SNX24: variants seen among roughly 807,000 people sequenced by gnomAD.
The protein encoded by SNX24 is sorting nexin-24.
Under a neutral mutation model 28.7 loss-of-function variants are expected in SNX24, and 22 were observed. The observed-to-expected ratio is 0.77, with a 90% confidence interval of 0.55 to 1.10. The LOEUF (loss-of-function observed/expected upper bound fraction) is 1.10. Ranked by LOEUF, SNX24 falls within the 50% of genes least tolerant of loss-of-function variation. The probability of loss-of-function intolerance (pLI) is 0.00; values close to 1 mark genes in which losing one functional copy is unlikely to be tolerated. For missense variants in SNX24, 221 were observed against 201.1 expected (o/e 1.10, Z -0.60); for synonymous variants, 69 against 71.5 (o/e 0.96, Z 0.18).
intron 5 of SNX24, chr5:123,023,259 CTAAT>C (rs1762788347): frequency 1.3e-5 from 2 of 152,312 alleles, no homozygotes; most frequent in Non-Finnish European, 1.5e-5. Context: ...TCTGAGTTAT[CTAAT>C]TATGTTTGTA....
chr5:122,909,124 T>C (rs1223039547), intron 1 of SNX24, among the ~76,000 whole-genome samples: 1 of 152,202 alleles, frequency 6.6e-6, no homozygotes, highest in Non-Finnish European at 1.5e-5. Context: ...ACAGCATTGT[T>C]ACATTAACAA....
At chr5:122,868,538 G>A (rs1581687289) in intron 1 of SNX24, among the ~76,000 whole-genome samples, 1 of 152,054 alleles carries the variant, frequency 6.6e-6, no homozygotes, top group African/African-American at 2.4e-5. Context: ...AACAACATCC[G>A]TATCTGCCAC....
intron 3 of SNX24, among the ~76,000 whole-genome samples, chr5:122,983,585 A>G (rs1761476103): frequency 6.6e-6 from 1 of 152,200 alleles, no homozygotes; most frequent in Admixed American, 6.5e-5. Context: ...TCCTTCACAT[A>G]TAACCAACAA....
chr5:122,855,000 T>G (rs1755117950), intron 1 of SNX24, among the ~76,000 whole-genome samples: 1 of 152,240 alleles, frequency 6.6e-6, no homozygotes, highest in South Asian at 2.1e-4. Flanking sequence ...TTTGTTTGCC[T>G]TGATGTTGAT....
At chr5:122,854,495 G>A (rs1397564530) in intron 1 of SNX24, among the ~76,000 whole-genome samples, 34 of 139,426 alleles carry the variant, frequency 2.4e-4, no homozygotes, top group African/African-American at 7.5e-4. Flanking sequence ...GCAACAGAGC[G>A]AGACTCTGTC....
At position 122,928,670 on chromosome 5, in the gene SNX24, T is replaced by C. The variant is rs1320234425; in HGVS notation, c.61-8064T>C. ...GGGATCCTATTGCAGGAACCTGTTA[T>C]CACCTAGAACCTCTGCAGTCACACA... On this transcript the variant is annotated intron_variant, in intron 1 of 6. Transcript: ENST00000261369. Among the ~76,000 whole-genome samples the C allele has an allele frequency of 3.3e-5, 5 of 151,900 alleles. No individual in the cohort carries two copies. The East Asian group carries it at 5.9e-4, about 18-fold the overall frequency.
At position 122,915,415 on chromosome 5, in the gene SNX24, C is replaced by T. The variant is rs979193759; in HGVS notation, c.61-21319C>T. Among the ~76,000 whole-genome samples, 6 of 152,112 alleles carry T rather than the reference C, an allele frequency of 3.9e-5. No individual in the cohort carries two copies. The East Asian group carries it at 5.8e-4, about 15-fold the overall frequency. ...CTGAGACAGGGTGATTGCTTGAGCC[C>T]AGGAGTTTGAGACCAGCCTGGGCAA... On this transcript the variant is annotated intron_variant, in intron 1 of 6. Coordinates refer to ENST00000261369, the MANE Select transcript of SNX24 (RefSeq NM_014035.4).
At chr5:122,954,398 C>T (rs1760113734) in intron 3 of SNX24, among the ~76,000 whole-genome samples, 1 of 151,940 alleles carries the variant, frequency 6.6e-6, no homozygotes, top group Admixed American at 6.6e-5. Context: ...GTTAAAATTT[C>T]CCACTTAAAT....
At chr5:122,953,787 TTC>T (rs989862426) in intron 3 of SNX24, among the ~76,000 whole-genome samples, 4 of 152,228 alleles carry the variant, frequency 2.6e-5, no homozygotes, top group Admixed American at 1.3e-4. Flanking sequence ...TTATATTTTT[TTC>T]TTTTTGTAAA....
chr5:122,870,350 C>G (rs1665474165), intron 1 of SNX24, among the ~76,000 whole-genome samples: 1 of 152,206 alleles, frequency 6.6e-6, no homozygotes, highest in Non-Finnish European at 1.5e-5. Flanking sequence ...GTATGATGAA[C>G]TTCTACAGAT....
intron 1 of SNX24, among the ~76,000 whole-genome samples, chr5:122,916,984 C>T (rs1445111350): frequency 1.3e-5 from 2 of 152,156 alleles, no homozygotes; most frequent in Non-Finnish European, 2.9e-5. Context: ...TACTTAAAGA[C>T]TGGGCTGGGC....
chr5:122,875,805 T>C (rs890134053), intron 1 of SNX24, among the ~76,000 whole-genome samples: 3 of 152,244 alleles, frequency 2.0e-5, no homozygotes, highest in African/African-American at 7.2e-5. Flanking sequence ...ATTTATTTTT[T>C]TGAGACACAG....
chr5:123,022,990 A>C (rs401535), intron 5 of SNX24, among the ~76,000 whole-genome samples: 1 of 152,002 alleles, frequency 6.6e-6, no homozygotes, highest in South Asian at 2.1e-4. Flanking sequence ...TGTTAGAGAC[A>C]GGGTCTCACT....
chr5:122,935,085 A>G (rs1397980066), intron 1 of SNX24, among the ~76,000 whole-genome samples: 1 of 152,196 alleles, frequency 6.6e-6, no homozygotes, highest in African/African-American at 2.4e-5. Context: ...GTAATGTGCC[A>G]GTTAAGGTGG....
chr5:123,025,279 C>T (rs892751054), intron 5 of SNX24, among the ~76,000 whole-genome samples: 1 of 152,062 alleles, frequency 6.6e-6, no homozygotes, highest in African/African-American at 2.4e-5. Flanking sequence ...AAACTAAAAC[C>T]TTATACCTAT....
At chr5:122,995,247 CT>C (rs1359863234) in intron 3 of SNX24, among the ~76,000 whole-genome samples, 1 of 152,230 alleles carries the variant, frequency 6.6e-6, no homozygotes, top group Non-Finnish European at 1.5e-5. Flanking sequence ...CTTTCTTCTT[CT>C]TCCAGCAGCT....
chr5:122,951,731 G>C (rs1038411926), intron 3 of SNX24, among the ~76,000 whole-genome samples: 21 of 152,200 alleles, frequency 1.4e-4, no homozygotes, highest in African/African-American at 5.1e-4. Context: ...CGGGAAGATA[G>C]GATGTGGTGG....
At chr5:122,845,751 C>A in intron 1 of SNX24, 58 bp downstream of exon 1, 1 of 1,085,944 alleles carries the variant, frequency 9.2e-7, no homozygotes, top group Non-Finnish European at 1.2e-6. Context: ...GCTGCTGCGC[C>A]CAGGAAACAC....
intron 1 of SNX24, among the ~76,000 whole-genome samples, chr5:122,896,350 T>G (rs1757201378): frequency 6.6e-6 from 1 of 152,316 alleles, no homozygotes; most frequent in Non-Finnish European, 1.5e-5. Flanking sequence ...GGCATGTGAG[T>G]TGCATATCCT....
Sources: gnomAD v4.1 joint callset for allele counts (sites outside exome capture counted in the v4.1 genomes callset) on GRCh38, gnomAD v4.1.1 for gene constraint, MANE v1.5 for transcripts, NCBI Gene and HGNC (gene_info 2026-07-23, HGNC 2026-07-21) for gene names.